The following RSRC1 variants were observed in gnomAD, a reference collection of about 807,000 sequenced individuals.
RSRC1 encodes arginine and serine rich coiled-coil 1.
Under a neutral mutation model 49.1 loss-of-function variants are expected in RSRC1, and 39 were observed. That is an observed-to-expected ratio of 0.79 (90% confidence interval 0.61 to 1.04). RSRC1 has a LOEUF of 1.04. Ranked by LOEUF, RSRC1 falls within the 50% of genes least tolerant of loss-of-function variation. RSRC1 has a pLI of 0.00. For synonymous variants in RSRC1, 143 were observed against 130.8 expected (o/e 1.09, Z -0.63); for missense variants, 388 against 402.4 (o/e 0.96, Z 0.31).
chr3:158,160,745 T>C (rs1434321770), intron 3 of RSRC1, among the ~76,000 whole-genome samples: 1 of 152,232 alleles, frequency 6.6e-6, no homozygotes, highest in Non-Finnish European at 1.5e-5. Context: ...TTAAATAGCT[T>C]GACTTCAAGA....
intron 5 of RSRC1, among the ~76,000 whole-genome samples, chr3:158,327,327 G>A (rs865814313): frequency 2.6e-5 from 4 of 152,204 alleles, no homozygotes; most frequent in Middle Eastern, 3.4e-3. Flanking sequence ...TGATGTTAGG[G>A]TGTCAATTTT....
chr3:158,343,642 A>G (rs906042245), intron 5 of RSRC1, among the ~76,000 whole-genome samples: 4 of 152,210 alleles, frequency 2.6e-5, no homozygotes, highest in Admixed American at 6.5e-5. Flanking sequence ...TAAAAAACAC[A>G]CAAAATTCTA....
intron 4 of RSRC1, among the ~76,000 whole-genome samples, chr3:158,260,563 T>C (rs557251858): frequency 2.2e-4 from 33 of 152,328 alleles, no homozygotes; most frequent in African/African-American, 7.7e-4. Context: ...TTGGGCATCC[T>C]GGCTTGTGTC....
intron 6 of RSRC1, among the ~76,000 whole-genome samples, chr3:158,366,931 T>C (rs1731800640): frequency 6.6e-6 from 1 of 152,350 alleles, no homozygotes; most frequent in East Asian, 1.9e-4. Context: ...AGTTCACTCA[T>C]GATTTGACTC....
intron 4 of RSRC1, among the ~76,000 whole-genome samples, chr3:158,280,055 A>T (rs1726054499): frequency 6.6e-6 from 1 of 152,180 alleles, no homozygotes; most frequent in Admixed American, 6.5e-5. Context: ...CTCTGTTGCC[A>T]CTATCACAGA....
intron 7 of RSRC1, among the ~76,000 whole-genome samples, chr3:158,516,373 G>T (rs935854118): frequency 1.6e-4 from 25 of 152,078 alleles, no homozygotes; most frequent in Non-Finnish European, 3.2e-4. Context: ...GTGTCAGTGT[G>T]CCCCTGCTGG....
intron 3 of RSRC1, among the ~76,000 whole-genome samples, chr3:158,161,402 A>G (rs150259476): frequency 3.0e-4 from 45 of 152,322 alleles, no homozygotes; most frequent in African/African-American, 1.9e-4. Flanking sequence ...ACTTCTGCCA[A>G]CATTTCATTG....
rs1437962130 is a variant in RSRC1, at chr3:158,473,397, G to A, written c.652+12394G>A. 2.0e-5 allele frequency among the ~76,000 whole-genome samples: 3 copies of A among 152,032 alleles called. No individual in the cohort carries two copies. In the East Asian group the frequency reaches 5.8e-4, roughly 29 times the overall value. ...ATGAAGCTGGAAACCATCATTCTCA[G>A]CAAACTATCGCAAGGACAAAAAACC... On this transcript the variant is annotated intron_variant, in intron 7 of 9. Transcript: ENST00000611884.
At chr3:158,318,515 C>G (rs1436311296) in intron 5 of RSRC1, among the ~76,000 whole-genome samples, 1 of 152,132 alleles carries the variant, frequency 6.6e-6, no homozygotes, top group Non-Finnish European at 1.5e-5. Flanking sequence ...ATGTCAGTGT[C>G]CCCCAAGTTC....
intron 5 of RSRC1, among the ~76,000 whole-genome samples, chr3:158,347,350 G>A (rs1311195292): frequency 6.6e-6 from 1 of 152,164 alleles, no homozygotes; most frequent in African/African-American, 2.4e-5. Context: ...AAAGGGCCCA[G>A]TAGTACTCTA....
chr3:158,404,795 A>G (rs983607792), intron 6 of RSRC1, among the ~76,000 whole-genome samples: 13 of 152,012 alleles, frequency 8.6e-5, no homozygotes, highest in East Asian at 1.9e-4. Context: ...TCAATAACAC[A>G]TGAATACGGG....
intron 7 of RSRC1, among the ~76,000 whole-genome samples, chr3:158,521,535 T>G (rs546637741): frequency 6.6e-6 from 1 of 152,226 alleles, no homozygotes; most frequent in South Asian, 2.1e-4. Context: ...AGAGATCATA[T>G]TTGCACTTTA....
intron 4 of RSRC1, among the ~76,000 whole-genome samples, chr3:158,256,862 G>A (rs936141840): frequency 1.3e-5 from 2 of 152,094 alleles, no homozygotes; most frequent in South Asian, 2.1e-4. Context: ...TTGTGTAGAG[G>A]TGTTTATAGT....
At chr3:158,290,136 A>C (rs1391766813) in intron 4 of RSRC1, among the ~76,000 whole-genome samples, 1 of 152,122 alleles carries the variant, frequency 6.6e-6, no homozygotes, top group Non-Finnish European at 1.5e-5. Context: ...GTATTTACTG[A>C]GTGACTTCTA....
chr3:158,523,939 G>A (rs968455657), intron 7 of RSRC1, among the ~76,000 whole-genome samples: 20 of 152,016 alleles, frequency 1.3e-4, no homozygotes, highest in African/African-American at 4.1e-4. Context: ...TCCCAAAAAC[G>A]TGTTGCCATG....
Position 158,207,526 on chromosome 3 carries a change from T to C in RSRC1, c.494+4281T>C, listed in dbSNP as rs996540200. On this transcript the variant is annotated intron_variant, in intron 4 of 9. Transcript: ENST00000611884. ...TCACAAACATTTAAATTAGGACTTATGTATTAGTTCATTGTGATTGTGCAG... is the reference window on the plus strand; with the variant it reads ...TCACAAACATTTAAATTAGGACTTACGTATTAGTTCATTGTGATTGTGCAG... Among the ~76,000 whole-genome samples, 3 of 152,178 alleles carry C rather than the reference T, an allele frequency of 2.0e-5. No homozygotes were observed. In the East Asian group the frequency reaches 5.8e-4, roughly 29 times the overall value.
intron 3 of RSRC1, among the ~76,000 whole-genome samples, chr3:158,163,065 G>A (rs188568074): frequency 7.8e-4 from 118 of 152,186 alleles, no homozygotes; most frequent in African/African-American, 2.5e-3. Flanking sequence ...GTACAGTGGC[G>A]TGATCTCAGG....
chr3:158,224,628 C>G (rs2108301442), intron 4 of RSRC1, among the ~76,000 whole-genome samples: 1 of 151,820 alleles, frequency 6.6e-6, no homozygotes, highest in East Asian at 1.9e-4. Context: ...AGTAGCAGTG[C>G]AGGTGGGGTA....
At chr3:158,353,998 T>TC (rs1464742426) in intron 5 of RSRC1, among the ~76,000 whole-genome samples, 1 of 136,774 alleles carries the variant, frequency 7.3e-6, no homozygotes, top group Non-Finnish European at 1.6e-5. Flanking sequence ...TCTTTTTCTT[T>TC]TTTTTTTTTT....
Sources: gnomAD v4.1 joint callset for allele counts (sites outside exome capture counted in the v4.1 genomes callset) on GRCh38, gnomAD v4.1.1 for gene constraint, MANE v1.5 for transcripts, NCBI Gene and HGNC (gene_info 2026-07-23, HGNC 2026-07-21) for gene names.